The following ANXA4 variants were observed in gnomAD, a reference collection of about 807,000 sequenced individuals.
ANXA4 encodes the protein 35-beta calcimedin.
In ANXA4, 39 loss-of-function variants were observed where a neutral mutation model predicts 49.8. The ratio of observed to expected loss-of-function variants is 0.78; its 90% CI spans 0.61 to 1.02. ANXA4 has a LOEUF of 1.02. ANXA4 is among the 50% of genes least tolerant of loss of function. The pLI, the probability that ANXA4 is intolerant of heterozygous loss-of-function variation, is 0.00. For missense variants in ANXA4, 360 were observed against 410.1 expected (o/e 0.88, Z 1.05); for synonymous variants, 134 against 152.5 (o/e 0.88, Z 0.89).
rs972789791 is a variant in ANXA4, at chr2:69,805,432, C to T, written c.192+805C>T. ...CAGCCTGACCAACATGGTGAAACCC[C>T]GTCTCTACTAAAAATACAAAAAAAT... is the stretch of plus-strand genomic sequence containing the variant. On this transcript the variant is annotated intron_variant, in intron 4 of 12. Transcript: ENST00000394295. Among the ~76,000 whole-genome samples, 4 of 151,798 alleles carry T rather than the reference C, an allele frequency of 2.6e-5. No individual in the cohort carries two copies. The South Asian group carries it at 6.2e-4, about 24-fold the overall frequency.
intron 3 of ANXA4, among the ~76,000 whole-genome samples, chr2:69,791,602 CTAAGAA>C (rs774170689): frequency 3.3e-5 from 5 of 152,174 alleles, no homozygotes; most frequent in Non-Finnish European, 7.3e-5. Context: ...TAGCCGTGTT[CTAAGAA>C]TAAGTGAAGA....
intron 2 of ANXA4, among the ~76,000 whole-genome samples, chr2:69,688,826 C>A (rs1329471552): frequency 2.0e-5 from 3 of 152,170 alleles, no homozygotes; most frequent in Non-Finnish European, 4.4e-5. Context: ...ATGACAAGAT[C>A]TCTTACATTC....
chr2:69,790,061 C>G (rs1672614858), intron 3 of ANXA4, among the ~76,000 whole-genome samples: 1 of 152,166 alleles, frequency 6.6e-6, no homozygotes, highest in Non-Finnish European at 1.5e-5. Context: ...TGTTTTACAG[C>G]CTGAACTTTC....
rs1673654132 is a variant in ANXA4, at chr2:69,810,595, A to G, written c.399A>G (p.Gln133=). ...TAGCTAATTTCACTCTCTTGCTAGAATATGGACGGAGCCTTGAAGATGACA... is the reference window on the plus strand; with the variant it reads ...TAGCTAATTTCACTCTCTTGCTAGAGTATGGACGGAGCCTTGAAGATGACA... ...IRRISQTYQQ[Q]YGRSLEDDIR... is the part of the protein sequence containing the mutation. Residue 133 remains glutamine, a splice_region_variant and synonymous_variant, in exon 7 of 13, where the codon CAA becomes CAG. Transcript: ENST00000394295. 1 of 1,613,738 alleles carries G rather than the reference A, an allele frequency of 6.2e-7. No individual in the cohort carries two copies. Among genetic ancestry groups the G allele is most frequent in the Non-Finnish European group, 8.5e-7 (1 of 1,179,758 alleles).
Position 69,825,583 on chromosome 2 carries a change from C to T in ANXA4, c.*68C>T. On this transcript the variant is annotated 3_prime_UTR_variant, in exon 13 of 13. Transcript: ENST00000394295. ...ATTTTTTTAACTTCATTTTTCTACA[C>T]TGCTATTATCATTATCTCAGAATGC... 8.6e-7 allele frequency: 1 copy of T among 1,167,864 alleles called. No individual in the cohort carries two copies. Among genetic ancestry groups the T allele is most frequent in the Non-Finnish European group, 1.3e-6 (1 of 796,904 alleles). 72.3% of individuals were successfully genotyped at this position (1,167,864 alleles called of 1,614,324 possible).
intron 9 of ANXA4, chr2:69,817,713 G>A (rs1026503722): frequency 1.3e-5 from 2 of 152,138 alleles, no homozygotes; most frequent in African/African-American, 4.8e-5. Context: ...TCTGAAGTTC[G>A]TTTTCTATTA....
chr2:69,789,258 AG>A (rs1056350490), intron 3 of ANXA4, among the ~76,000 whole-genome samples: 1 of 152,130 alleles, frequency 6.6e-6, no homozygotes, highest in Non-Finnish European at 1.5e-5. Flanking sequence ...AGACCCAGAG[AG>A]GCCGAGTAAC....
chr2:69,797,638 T>C (rs896531109), intron 3 of ANXA4, among the ~76,000 whole-genome samples: 3 of 152,218 alleles, frequency 2.0e-5, no homozygotes, highest in Admixed American at 1.3e-4. Flanking sequence ...TAAAATCCCC[T>C]TTCTATTTAG....
chr2:69,685,838 G>T (rs1677767194), intron 2 of ANXA4, among the ~76,000 whole-genome samples: 1 of 152,140 alleles, frequency 6.6e-6, no homozygotes, highest in Admixed American at 6.6e-5. Context: ...CCCTGGGTTG[G>T]GGGCGGAGAG....
chr2:69,660,864 GA>G (rs1350194263), intron 2 of ANXA4, among the ~76,000 whole-genome samples: 1 of 151,950 alleles, frequency 6.6e-6, no homozygotes, highest in East Asian at 1.9e-4. Context: ...AGAGATAAGA[GA>G]GATAATAGAA....
At position 69,819,270 on chromosome 2, in the gene ANXA4, T is replaced by TC; in HGVS notation, c.725-9dup. On this transcript the variant is annotated splice_polypyrimidine_tract_variant and intron_variant, in intron 10 of 12. Transcript: ENST00000394295. ...AATCTTTTCATTTCTTCTTTTTTTT[T>TC]CTTTGACAGTAAAGTGCATGAGGAA... 1 of 1,587,240 alleles carries TC rather than the reference T, an allele frequency of 6.3e-7. No individual in the cohort carries two copies. Among genetic ancestry groups the TC allele is most frequent in the Non-Finnish European group, 8.6e-7 (1 of 1,165,232 alleles).
intron 3 of ANXA4, among the ~76,000 whole-genome samples, chr2:69,725,067 C>G (rs1040763533): frequency 6.6e-6 from 1 of 152,198 alleles, no homozygotes; most frequent in Non-Finnish European, 1.5e-5. Flanking sequence ...CTCCTGCAGT[C>G]AGCCGATGTT....
chr2:69,668,205 A>G (rs910515961), intron 2 of ANXA4, among the ~76,000 whole-genome samples: 2 of 152,228 alleles, frequency 1.3e-5, no homozygotes, highest in Non-Finnish European at 2.9e-5. Flanking sequence ...GTTGTTTACT[A>G]AAGATTATGA....
intron 3 of ANXA4, among the ~76,000 whole-genome samples, chr2:69,798,323 C>T (rs1198519874): frequency 1.3e-5 from 2 of 152,180 alleles, no homozygotes; most frequent in Non-Finnish European, 2.9e-5. Flanking sequence ...ATTTCCTGGG[C>T]TATAAAAATT....
At chr2:69,794,527 G>C (rs1049767550) in intron 3 of ANXA4, among the ~76,000 whole-genome samples, 1 of 110,146 alleles carries the variant, frequency 9.1e-6, no homozygotes, top group Non-Finnish European at 2.3e-5. Flanking sequence ...GTTATATTAT[G>C]TTATGTTATG....
chr2:69,677,568 C>T (rs1677453445), intron 2 of ANXA4, among the ~76,000 whole-genome samples: 1 of 152,150 alleles, frequency 6.6e-6, no homozygotes, highest in African/African-American at 2.4e-5. Flanking sequence ...AGTATTCTCT[C>T]TTATAGCTAC....
intron 2 of ANXA4, among the ~76,000 whole-genome samples, chr2:69,668,314 A>T (rs547964771): frequency 4.7e-4 from 71 of 152,314 alleles, no homozygotes; most frequent in African/African-American, 1.6e-3. Flanking sequence ...AGCTAAATGA[A>T]GACAAAGAAG....
chr2:69,644,079 G>T, upstream of ANXA4: 1 of 176,502 alleles, frequency 5.7e-6, no homozygotes, highest in Non-Finnish European at 1.1e-5. Context: ...GGCCTCCACG[G>T]CCTCGAAGGA....
At chr2:69,700,299 T>G (rs952793413) in intron 2 of ANXA4, 21 of 152,176 alleles carry the variant, frequency 1.4e-4, no homozygotes, top group African/African-American at 5.1e-4. Flanking sequence ...GGAGGATCTC[T>G]TGAGCCCAGG....
Sources: allele counts gnomAD v4.1 joint callset (sites outside exome capture counted in the v4.1 genomes callset), GRCh38; gene constraint gnomAD v4.1.1; transcripts MANE v1.5; gene names NCBI Gene and HGNC (gene_info 2026-07-23, HGNC 2026-07-21).